Variants in MACROD2 observed in about 807,000 individuals in gnomAD.
MACROD2 encodes mono-ADP ribosylhydrolase 2.
Under a neutral mutation model 70.4 loss-of-function variants are expected in MACROD2, and 36 were observed. The observed-to-expected ratio is 0.51, with a 90% CI of 0.39 to 0.68. The LOEUF is 0.68. Ranked by LOEUF, MACROD2 falls within the 30% of genes least tolerant of loss-of-function variation. The pLI is 0.00. For missense variants in MACROD2, 496 were observed against 538.4 expected, an observed-to-expected ratio of 0.92 and a Z score of 0.78; for synonymous variants, 172 against 178.8, an observed-to-expected ratio of 0.96 and a Z score of 0.30.
At chr20:14,081,822 A>G (rs917619631) in intron 2 of MACROD2, among the ~76,000 whole-genome samples, 3 of 152,252 alleles carry the variant, frequency 2.0e-5, no homozygotes, top group Non-Finnish European at 4.4e-5. Flanking sequence ...GTAGCCTTTA[A>G]GTATGTACAT....
In MACROD2 at chr20:15,192,510, A is replaced by G. The variant is rs953007468; in HGVS notation, c.419-37430A>G. Among the ~76,000 whole-genome samples the G allele has an allele frequency of 2.6e-5, 4 of 152,154 alleles. No individual in the cohort carries two copies. The South Asian group carries it at 6.2e-4, about 24-fold the overall frequency. ...CAAAAAGTGAGGCAAACGTGCTCCT[A>G]CCAGCACCACCTCTGCCACCTCATA... On this transcript the variant is annotated intron_variant, in intron 5 of 17. Transcript: ENST00000684519.
intron 3 of MACROD2, among the ~76,000 whole-genome samples, chr20:14,411,292 A>T (rs937005220): frequency 2.0e-5 from 3 of 152,110 alleles, no homozygotes; most frequent in African/African-American, 7.2e-5. Flanking sequence ...GAAATCTATC[A>T]CACTTTTGAG....
chr20:15,798,387 C>T (rs574373114), intron 8 of MACROD2, among the ~76,000 whole-genome samples: 3 of 152,296 alleles, frequency 2.0e-5, no homozygotes, highest in African/African-American at 7.2e-5. Flanking sequence ...TGGATCAGAA[C>T]ACCTACCTGT....
chr20:15,673,996 G>A (rs549291109), intron 8 of MACROD2, among the ~76,000 whole-genome samples: 1 of 152,150 alleles, frequency 6.6e-6, no homozygotes, highest in Admixed American at 6.5e-5. Flanking sequence ...ATGTAAAGGA[G>A]TGTACATCTA....
intron 5 of MACROD2, among the ~76,000 whole-genome samples, chr20:14,867,614 T>C (rs1404941346): frequency 6.6e-6 from 1 of 152,148 alleles, no homozygotes; most frequent in Admixed American, 6.5e-5. Flanking sequence ...CATGTTGATT[T>C]CTTTTGTATA....
At chr20:14,334,139 C>A (rs1483100088) in intron 3 of MACROD2, among the ~76,000 whole-genome samples, 1 of 152,152 alleles carries the variant, frequency 6.6e-6, no homozygotes, top group South Asian at 2.1e-4. Context: ...AAATTATATT[C>A]TATTGCTTTC....
chr20:15,795,276 C>G (rs545084936), intron 8 of MACROD2, among the ~76,000 whole-genome samples: 1 of 151,930 alleles, frequency 6.6e-6, no homozygotes, highest in African/African-American at 2.4e-5. Flanking sequence ...CCACAGGTTA[C>G]TATAAGTCAT....
intron 2 of MACROD2, among the ~76,000 whole-genome samples, chr20:14,040,418 A>G (rs1601146259): frequency 6.6e-6 from 1 of 152,212 alleles, no homozygotes; most frequent in African/African-American, 2.4e-5. Context: ...TTTAAAAATT[A>G]TATTTCAATA....
chr20:15,943,189 A>T (rs937966652), intron 12 of MACROD2, among the ~76,000 whole-genome samples: 16 of 152,330 alleles, frequency 1.1e-4, no homozygotes. Context: ...AGTGTGCAAG[A>T]GATGAGAGCA....
At chr20:14,407,585 C>T (rs567471344) in intron 3 of MACROD2, among the ~76,000 whole-genome samples, 9 of 152,176 alleles carry the variant, frequency 5.9e-5, no homozygotes, top group African/African-American at 2.2e-4. Context: ...AATCGAATTC[C>T]TGTGGGAATC....
chr20:14,136,346 G>T (rs1324851661), intron 3 of MACROD2, among the ~76,000 whole-genome samples: 1 of 152,156 alleles, frequency 6.6e-6, no homozygotes, highest in East Asian at 1.9e-4. Context: ...GTTCACGCCT[G>T]TAATCCTAGC....
intron 5 of MACROD2, among the ~76,000 whole-genome samples, chr20:14,892,397 C>T (rs2073773537): frequency 6.6e-6 from 1 of 152,006 alleles, no homozygotes; most frequent in Non-Finnish European, 1.5e-5. Flanking sequence ...ATCACTTAAA[C>T]CCAGGAGGTG....
chr20:15,753,157 G>A (rs1020132127), intron 8 of MACROD2, among the ~76,000 whole-genome samples: 3 of 152,002 alleles, frequency 2.0e-5, no homozygotes, highest in African/African-American at 7.3e-5. Flanking sequence ...AGATTCAGGA[G>A]GTACACGTGC....
At chr20:14,826,465 G>A (rs1405455515) in intron 5 of MACROD2, among the ~76,000 whole-genome samples, 2 of 152,002 alleles carry the variant, frequency 1.3e-5, no homozygotes, top group African/African-American at 4.8e-5. Context: ...TCTGTTGCTT[G>A]CAGTAATTCT....
chr20:15,566,370 C>T (rs781623287), intron 8 of MACROD2, among the ~76,000 whole-genome samples: 5 of 151,708 alleles, frequency 3.3e-5, no homozygotes, highest in Admixed American at 6.6e-5. Flanking sequence ...TGGTGATGTG[C>T]GCCTGTAATC....
At chr20:14,746,147 T>G (rs2184109) in intron 5 of MACROD2, among the ~76,000 whole-genome samples, 1 of 152,114 alleles carries the variant, frequency 6.6e-6, no homozygotes, top group Non-Finnish European at 1.5e-5. Context: ...TGACAATGTT[T>G]CCTTCACCAT....
chr20:15,416,877 C>G (rs1024752625), intron 6 of MACROD2, among the ~76,000 whole-genome samples: 2 of 151,008 alleles, frequency 1.3e-5, no homozygotes, highest in Non-Finnish European at 3.0e-5. Flanking sequence ...CACTCCAGCC[C>G]GGGCGACAGA....
intron 9 of MACROD2, among the ~76,000 whole-genome samples, chr20:15,870,235 ATATTATTATTATTAT>A (rs74175654): frequency 6.7e-6 from 1 of 148,892 alleles, no homozygotes; most frequent in African/African-American, 2.5e-5. Context: ...GTTGGGTTTT[ATATTATTATTATTAT>A]TATTATTATT....
intron 9 of MACROD2, among the ~76,000 whole-genome samples, chr20:15,876,571 CAT>C (rs2064677613): frequency 6.6e-6 from 1 of 152,094 alleles, no homozygotes; most frequent in Non-Finnish European, 1.5e-5. Context: ...CCGCAATAAA[CAT>C]ATGTGTGCGT....
Sources: gnomAD v4.1 joint callset for allele counts (sites outside exome capture counted in the v4.1 genomes callset) on GRCh38, gnomAD v4.1.1 for gene constraint, MANE v1.5 for transcripts, NCBI Gene and HGNC (gene_info 2026-07-23, HGNC 2026-07-21) for gene names.